The following ITIH2 variants were observed in gnomAD, a reference collection of about 807,000 sequenced individuals.
ITIH2 encodes the protein inter-alpha-trypsin inhibitor heavy chain 2, also known as inter-alpha-trypsin inhibitor heavy chain H2.
In ITIH2, 103 loss-of-function variants were observed where a neutral mutation model predicts 104.4. The ratio of observed to expected loss-of-function variants is 0.99; its 90% CI spans 0.84 to 1.16. The LOEUF (loss-of-function observed/expected upper bound fraction) is 1.16, where lower values mean the gene tolerates loss of function less well. Ranked by LOEUF, ITIH2 falls within the 50% of genes most tolerant of loss-of-function variation. The pLI is 0.00. For missense variants in ITIH2, 1,108 were observed against 1,162.4 expected, an observed-to-expected ratio of 0.95 and a Z score of 0.68; for synonymous variants, 436 against 435.4, an observed-to-expected ratio of 1.00 and a Z score of -0.02.
At position 7,743,249 on chromosome 10, in the gene ITIH2, C is replaced by A; in HGVS notation, c.2199C>A (p.Asp733Glu). 5 of 1,533,974 alleles carry A rather than the reference C, an allele frequency of 3.3e-6. No individual in the cohort carries two copies. The highest frequency in any genetic ancestry group is 3.6e-6 in the Non-Finnish European group (4 of 1,119,344). Residue 733 changes from aspartate (D) to glutamate (E), a missense_variant, in exon 17 of 21, where the codon GAC becomes GAA. Coordinates refer to ENST00000358415, the MANE Select transcript of ITIH2 (RefSeq NM_002216.3). ...GAAAAATCCTCAACCTGGTTTCTGACCCAGAATCAGGTAAAATAAAAATAA... is the reference window on the plus strand; with the variant it reads ...GAAAAATCCTCAACCTGGTTTCTGAACCAGAATCAGGTAAAATAAAAATAA... ...EPGKILNLVS[D>E]PESGIVVNGQ...
At chr10:7,721,386 A>G (rs1238424504) in intron 7 of ITIH2, among the ~76,000 whole-genome samples, 1 of 152,216 alleles carries the variant, frequency 6.6e-6, no homozygotes, top group Admixed American at 6.5e-5. Context: ...CAAAGCACAT[A>G]GTCAGCCCTT....
chr10:7,734,828 C>T, intron 14 of ITIH2, 94 bp from the exon 15 acceptor site: 2 of 1,117,188 alleles, frequency 1.8e-6, no homozygotes. Context: ...CCAGGTTGGA[C>T]CCCAGCAGTG....
Position 7,713,192 on chromosome 10 carries a change from G to A in ITIH2, c.374G>A (p.Gly125Asp). 2 of 1,613,694 alleles carry A rather than the reference G, an allele frequency of 1.2e-6. No individual in the cohort carries two copies. The highest frequency in any genetic ancestry group is 1.7e-6 in the Non-Finnish European group (2 of 1,179,614). The stretch of plus-strand genomic sequence containing the variant: ...CTGTCATTTTCTAGGACTGTGGACG[G>A]CAAGACATTTAGGAGCTCTATTAAG... ...FISNFSMTVD[G>D]KTFRSSIKEK... Residue 125 changes from glycine to aspartate, a missense_variant, in exon 5 of 21, where the codon GGC becomes GAC. By Grantham distance (94) the Gly-to-Asp change is moderately conservative (BLOSUM62 -1). Transcript: ENST00000358415.
In ITIH2 at chr10:7,703,448, C is replaced by A; in HGVS notation, c.14C>A (p.Thr5Lys). The change falls in exon 1 of 21, where the codon ACG becomes AAG. Residue 5 changes from threonine to lysine, a missense_variant. By Grantham distance (78) the Thr-to-Lys change is moderately conservative. Coordinates refer to ENST00000358415, the MANE Select transcript of ITIH2 (RefSeq NM_002216.3). MKRL[T>K]CFFICFFLSE... ...CTGTCCAGCAAAATGAAAAGACTCA[C>A]GTGCTTTTTCATCTGCTTCTTTCTT... is the stretch of plus-strand genomic sequence containing the variant. The A allele has an allele frequency of 3.7e-6, 6 of 1,613,492 alleles. No homozygotes were observed. The highest frequency in any genetic ancestry group is 5.1e-6 in the Non-Finnish European group (6 of 1,179,428).
chr10:7,734,914 G>A lies in ITIH2; in HGVS notation c.1788-8G>A, dbSNP rs200366304. The A allele has an allele frequency of 6.2e-7, 1 of 1,607,594 alleles. No individual in the cohort carries two copies. Among genetic ancestry groups the A allele is most frequent in the Non-Finnish European group, 8.5e-7 (1 of 1,178,662 alleles). Reference sequence around the variant, plus strand: ...ATGCTCCATAACACCTCTACTTCTTGAATACAGAAGCCTGGCTCCTACAGC... The same window carrying A: ...ATGCTCCATAACACCTCTACTTCTTAAATACAGAAGCCTGGCTCCTACAGC... On this transcript the variant is annotated splice_region_variant and splice_polypyrimidine_tract_variant and intron_variant, in intron 14 of 20. Transcript: ENST00000358415.
At chr10:7,741,088 T>A (rs538324916) in intron 16 of ITIH2, among the ~76,000 whole-genome samples, 8 of 151,068 alleles carry the variant, frequency 5.3e-5, no homozygotes, top group African/African-American at 1.9e-4. Context: ...TTGTCTTTAA[T>A]AAAAGCAATT....
intron 16 of ITIH2, among the ~76,000 whole-genome samples, chr10:7,739,923 C>T (rs1053082083): frequency 5.9e-5 from 9 of 151,892 alleles, no homozygotes; most frequent in Admixed American, 2.0e-4. Context: ...CGGTGGCTTA[C>T]GCCTGTAATC....
intron 16 of ITIH2, among the ~76,000 whole-genome samples, chr10:7,740,151 A>C (rs1413619506): frequency 6.6e-6 from 1 of 152,160 alleles, no homozygotes; most frequent in Non-Finnish European, 1.5e-5. Context: ...ATGCCACTGC[A>C]CTCCAGCCTG....
At position 7,721,651 on chromosome 10, in the gene ITIH2, G is replaced by C; in HGVS notation, c.741G>C (p.Ala247=). Residue 247 remains alanine (A), a splice_region_variant and synonymous_variant, in exon 8 of 21, where the codon GCG becomes GCC. Coordinates refer to ENST00000358415, the MANE Select transcript of ITIH2 (RefSeq NM_002216.3). The part of the protein sequence containing the change: ...VPVISKGQQK[A]HVSFKPTVAQ... ...TCTGATGTCACCGTTCTTTCTAGGC[G>C]CACGTCTCCTTCAAGCCCACGGTAG... 1 of 1,613,326 alleles carries C rather than the reference G, an allele frequency of 6.2e-7. No individual in the cohort carries two copies. Among genetic ancestry groups the C allele is most frequent in the Non-Finnish European group, 8.5e-7 (1 of 1,179,464 alleles).
chr10:7,721,883 G>T lies in ITIH2; in HGVS notation c.867+106G>T, dbSNP rs1027085175. On this transcript the variant is annotated intron_variant, in intron 8 of 20. Coordinates refer to ENST00000358415, the MANE Select transcript of ITIH2 (RefSeq NM_002216.3). ...GGGTGGTTTCTAGCTGCCAGGGCAA[G>T]TGTTTCTAGCTGCAGAGAAGGGACT... 7 of 1,234,394 alleles carry T rather than the reference G, an allele frequency of 5.7e-6. No individual in the cohort carries two copies. The African/African-American group carries it at 1.0e-4, about 18-fold the overall frequency. 76.5% of individuals were successfully genotyped at this position (1,234,394 alleles called of 1,614,324 possible). A position where few individuals can be genotyped will look rare whatever the true frequency, so the allele number is the denominator to read the frequency against.
chr10:7,742,052 C>T (rs1450614742), intron 16 of ITIH2, among the ~76,000 whole-genome samples: 1 of 152,202 alleles, frequency 6.6e-6, no homozygotes. Flanking sequence ...CACTATTGCA[C>T]CATGTACTTC....
rs1164668038 is a variant in ITIH2 at position 7,734,798 on chromosome 10, T to G, written c.1788-124T>G. The G allele has an allele frequency of 7.0e-6, 5 of 718,034 alleles. No individual in the cohort carries two copies. The East Asian group carries it at 1.0e-4, about 14-fold the overall frequency. 44.5% of individuals were successfully genotyped at this position (718,034 alleles called of 1,614,324 possible). On this transcript the variant is annotated intron_variant, in intron 14 of 20. Transcript: ENST00000358415. ...CCAGTGAGTTCTGTTTCCCAGTTAC[T>G]TTGCGGCTCCGCCCCACCCCCAGGT...
intron 13 of ITIH2, 89 bp from the exon 14 acceptor site, chr10:7,732,249 C>G: frequency 7.2e-7 from 1 of 1,394,444 alleles, no homozygotes; most frequent in Non-Finnish European, 1.0e-6. Context: ...TTTTTATTCC[C>G]ATTCATTCGC....
chr10:7,703,559 T>C, intron 1 of ITIH2, 41 bp downstream of exon 1: 2 of 1,233,982 alleles, frequency 1.6e-6, no homozygotes, highest in Non-Finnish European at 1.2e-6. Context: ...GGCTTGTTCA[T>C]GAGCTCAGTA....
rs763978684 is a variant in ITIH2, at chr10:7,731,946, T to C, written c.1597T>C (p.Phe533Leu). 8.7e-6 allele frequency: 14 copies of C among 1,613,944 alleles called. No homozygotes were observed. Among genetic ancestry groups the C allele is most frequent in the Non-Finnish European group, 1.1e-5 (13 of 1,179,972 alleles). The change falls in exon 13 of 21, where the codon TTT (phenylalanine) becomes CTT (leucine). Residue 533 changes from phenylalanine to leucine, a missense_variant. Physicochemically the swap from Phe to Leu is conservative, Grantham distance 22. Coordinates refer to ENST00000358415, the MANE Select transcript of ITIH2 (RefSeq NM_002216.3). ...GGSEIVVAGK[F>L]DPAKLDQIES... ...CTCAGAGATTGTGGTGGCAGGAAAA[T>C]TTGACCCTGCTAAATTGGATCAAAT...
chr10:7,722,070 C>T (rs1834909259), intron 8 of ITIH2, among the ~76,000 whole-genome samples: 1 of 152,028 alleles, frequency 6.6e-6, no homozygotes, highest in Admixed American at 6.6e-5. Context: ...CTCCCAAGGC[C>T]CTTTGCAATT....
In ITIH2 at chr10:7,727,620, G is replaced by A. The variant is rs147265772; in HGVS notation, c.1154-83G>A. ...ATAAGTGATGGATAAGTGATCAGCC[G>A]ACATATGAGTCTGAATCCAGAATGG... On this transcript the variant is annotated intron_variant, in intron 10 of 20. Transcript: ENST00000358415. 4.0e-4 allele frequency: 594 copies of A among 1,484,168 alleles called. 5 individuals are homozygous for A. The East Asian group carries it at 0.011, about 28-fold the overall frequency. The allele number at this position is 1,484,168 out of a possible 1,614,324, so 91.9% of individuals were successfully genotyped here.
At chr10:7,749,048 C>G in intron 20 of ITIH2, 139 bp from the exon 21 acceptor site, 2 of 782,088 alleles carry the variant, frequency 2.6e-6, no homozygotes. Flanking sequence ...TTCTTTTTCA[C>G]ATGACTTGGG....
At chr10:7,744,042 T>C (rs1835151850) in intron 17 of ITIH2, 40 bp from the exon 18 acceptor site, 4 of 1,512,592 alleles carry the variant, frequency 2.6e-6, no homozygotes, top group Non-Finnish European at 2.7e-6. Flanking sequence ...GCAAAATAAA[T>C]GGCACAGAAG....
Sources: gnomAD v4.1 joint callset for allele counts (sites outside exome capture counted in the v4.1 genomes callset) on GRCh38, gnomAD v4.1.1 for gene constraint, MANE v1.5 for transcripts, NCBI Gene and HGNC (gene_info 2026-07-23, HGNC 2026-07-21) for gene names.